The following EBF2 variants were observed in gnomAD, a reference collection of about 807,000 sequenced individuals.
EBF2 encodes the protein transcription factor COE2.
EBF2 carries 21 observed loss-of-function variants against 72.8 expected under a neutral mutation model. That is an observed-to-expected ratio of 0.29 (90% CI 0.20 to 0.42). The LOEUF is 0.42. Among genes scored for constraint, EBF2 ranks in the 10% least tolerant of loss-of-function variants. EBF2 has a pLI of 1.00. For synonymous variants in EBF2, 299 were observed against 274.2 expected (o/e 1.09, Z -0.89); for missense variants, 637 against 731.2 (o/e 0.87, Z 1.49).
chr8:25,865,328 C>T (rs1334631212), intron 10 of EBF2, among the ~76,000 whole-genome samples: 2 of 151,922 alleles, frequency 1.3e-5, no homozygotes, highest in East Asian at 3.9e-4. Context: ...TTTGTTTTTA[C>T]TGTGAATATG....
chr8:26,010,893 G>A (rs915234514), intron 6 of EBF2, among the ~76,000 whole-genome samples: 7 of 152,214 alleles, frequency 4.6e-5, no homozygotes, highest in African/African-American at 9.6e-5. Flanking sequence ...GGGCACCGAT[G>A]TGTAGCTATT....
intron 6 of EBF2, among the ~76,000 whole-genome samples, chr8:25,980,382 A>G (rs1585214821): frequency 6.6e-6 from 1 of 152,304 alleles, no homozygotes; most frequent in East Asian, 1.9e-4. Context: ...ACACACTGAC[A>G]TTCAGAGAAG....
At chr8:25,913,801 G>A (rs1179892324) in intron 6 of EBF2, among the ~76,000 whole-genome samples, 1 of 152,168 alleles carries the variant, frequency 6.6e-6, no homozygotes, top group Non-Finnish European at 1.5e-5. Flanking sequence ...ACCACATAGG[G>A]ACTTAAACAC....
Position 26,044,980 on chromosome 8 carries a change from C to G in EBF2, c.-121G>C, listed in dbSNP as rs1296105612. ...GCAATCCAAGAAAAGGGATCAAGTG[C>G]CCAAGTTTGAGTCTTAGAAAAAAAA... is the stretch of plus-strand genomic sequence containing the variant. On this transcript the variant is annotated 5_prime_UTR_variant, in exon 1 of 16. Coordinates refer to ENST00000520164, the MANE Select transcript of EBF2 (RefSeq NM_022659.4). The surrounding 1 kb of genome is among the most constrained non-coding windows in gnomAD (Gnocchi z 4.1). 8.0e-6 allele frequency: 9 copies of G among 1,123,760 alleles called. No individual in the cohort carries two copies. In the East Asian group the frequency reaches 2.2e-4, roughly 28 times the overall value. 69.6% of individuals were successfully genotyped at this position (1,123,760 alleles called of 1,614,324 possible).
intron 6 of EBF2, among the ~76,000 whole-genome samples, chr8:26,005,876 T>C (rs1804872995): frequency 6.6e-6 from 1 of 151,784 alleles, no homozygotes; most frequent in Non-Finnish European, 1.5e-5. Context: ...GACTCATGCT[T>C]TGAAGCACTG....
At chr8:26,025,247 T>C (rs1401749382) in intron 6 of EBF2, among the ~76,000 whole-genome samples, 2 of 152,180 alleles carry the variant, frequency 1.3e-5, no homozygotes, top group Non-Finnish European at 2.9e-5. Context: ...CTAGGTACCA[T>C]CCATTGACCT....
intron 6 of EBF2, among the ~76,000 whole-genome samples, chr8:25,990,467 G>T (rs1454992242): frequency 6.6e-6 from 1 of 152,122 alleles, no homozygotes; most frequent in South Asian, 2.1e-4. Flanking sequence ...CCAGCTTGGG[G>T]CCAAGCACTC....
intron 15 of EBF2, among the ~76,000 whole-genome samples, chr8:25,850,273 C>T (rs1563373509): frequency 6.6e-6 from 1 of 152,110 alleles, no homozygotes; most frequent in African/African-American, 2.4e-5. Flanking sequence ...CAAACACACC[C>T]AGCTAATTTT....
At chr8:25,982,655 G>A (rs1804381042) in intron 6 of EBF2, among the ~76,000 whole-genome samples, 1 of 152,112 alleles carries the variant, frequency 6.6e-6, no homozygotes, top group Admixed American at 6.5e-5. Context: ...CTACTCTGTG[G>A]CCCCTAACCT....
chr8:25,899,646 G>A (rs1802917543), intron 7 of EBF2, among the ~76,000 whole-genome samples: 2 of 152,138 alleles, frequency 1.3e-5, no homozygotes. Flanking sequence ...AAATCATAAG[G>A]GGTTGCTGGA....
At chr8:25,884,117 C>G (rs968770731) in intron 10 of EBF2, among the ~76,000 whole-genome samples, 1 of 152,186 alleles carries the variant, frequency 6.6e-6, no homozygotes, top group Admixed American at 6.5e-5. Flanking sequence ...CTTGCCCTGC[C>G]TGACTTTCCA....
At chr8:25,960,406 A>G (rs1012650021) in intron 6 of EBF2, among the ~76,000 whole-genome samples, 3 of 152,194 alleles carry the variant, frequency 2.0e-5, no homozygotes, top group Non-Finnish European at 4.4e-5. Flanking sequence ...CATCCCAACC[A>G]TGGGAGGCAG....
intron 10 of EBF2, among the ~76,000 whole-genome samples, chr8:25,876,023 A>G (rs567109931): frequency 8.3e-4 from 127 of 152,348 alleles, no homozygotes; most frequent in African/African-American, 2.8e-3. Context: ...ATACCCATCA[A>G]TGATAGACTG....
At chr8:25,912,466 G>GCACACACACACA (rs141335310) in intron 6 of EBF2, among the ~76,000 whole-genome samples, 2,945 of 136,882 alleles carry the variant, frequency 0.022, 59 homozygotes, top group Admixed American at 0.034. Flanking sequence ...TCTAAAAATG[G>GCACACACACACA]CACACACACA....
At chr8:25,968,945 C>T (rs1052107444) in intron 6 of EBF2, among the ~76,000 whole-genome samples, 11 of 151,870 alleles carry the variant, frequency 7.2e-5, no homozygotes, top group African/African-American at 2.7e-4. Context: ...GAACTGCACA[C>T]TTAAAGATGG....
chr8:25,989,449 T>A (rs542605537), intron 6 of EBF2, among the ~76,000 whole-genome samples: 1 of 152,184 alleles, frequency 6.6e-6, no homozygotes, highest in Admixed American at 6.5e-5. Flanking sequence ...CCTCTAAAGA[T>A]GAAAAAAGAC....
In EBF2 at chr8:25,880,272, C is replaced by T. The variant is rs536497180; in HGVS notation, c.1009+6483G>A. Among the ~76,000 whole-genome samples, 4 of 152,268 alleles carry T rather than the reference C, an allele frequency of 2.6e-5. No individual in the cohort carries two copies. In the East Asian group the frequency reaches 7.7e-4, roughly 29 times the overall value. ...CACAAACATTTTCCTTTTACGTAAT[C>T]ACATCTTTTGCTTGATGGTGCCTGT... On this transcript the variant is annotated intron_variant, in intron 10 of 15. Transcript: ENST00000520164.
intron 6 of EBF2, among the ~76,000 whole-genome samples, chr8:25,953,471 T>C (rs1371701202): frequency 6.6e-6 from 1 of 152,214 alleles, no homozygotes. Flanking sequence ...AGGAAATGGA[T>C]GGAGTGGTTG....
chr8:25,875,136 A>C (rs1262860249), intron 10 of EBF2, among the ~76,000 whole-genome samples: 1 of 152,136 alleles, frequency 6.6e-6, no homozygotes, highest in Non-Finnish European at 1.5e-5. Flanking sequence ...TAGGTCTTTC[A>C]AGATGAATCC....
Sources: allele counts gnomAD v4.1 joint callset (sites outside exome capture counted in the v4.1 genomes callset), GRCh38; gene constraint gnomAD v4.1.1; non-coding constraint Gnocchi (gnomAD v3.1); transcripts MANE v1.5; gene names NCBI Gene and HGNC (gene_info 2026-07-23, HGNC 2026-07-21).